Variants in AK8 observed in about 807,000 individuals in gnomAD.
AK8 encodes adenylate kinase 8, also known as ATP-AMP transphosphorylase 8.
A neutral mutation model predicts 54.6 loss-of-function variants in AK8; 44 were observed. The observed-to-expected ratio is 0.81, with a 90% CI of 0.63 to 1.04. The LOEUF (loss-of-function observed/expected upper bound fraction) is 1.04. AK8 is among the 50% of genes least tolerant of loss of function. The pLI is 0.00. For missense variants in AK8, 555 were observed against 613.6 expected, an observed-to-expected ratio of 0.90 and a Z score of 1.01; for synonymous variants, 239 against 245.6, an observed-to-expected ratio of 0.97 and a Z score of 0.25.
At chr9:132,779,080 AAGCAG>A (rs1202178224) in intron 11 of AK8, among the ~76,000 whole-genome samples, 3 of 149,716 alleles carry the variant, frequency 2.0e-5, no homozygotes, top group African/African-American at 7.6e-5. Context: ...TAAGGAAAGC[AAGCAG>A]GTCACCATTA....
intron 5 of AK8, among the ~76,000 whole-genome samples, chr9:132,846,693 G>A (rs1588206573): frequency 6.6e-6 from 1 of 152,328 alleles, no homozygotes; most frequent in East Asian, 1.9e-4. Flanking sequence ...AACACGACAG[G>A]GAGTAGATAG....
chr9:132,851,649 G>T (rs1252270739), intron 5 of AK8, among the ~76,000 whole-genome samples: 1 of 152,200 alleles, frequency 6.6e-6, no homozygotes, highest in Non-Finnish European at 1.5e-5. Flanking sequence ...GGTGCCCCTG[G>T]GTGATGTGCA....
chr9:132,756,149 T>A (rs1838179680), intron 11 of AK8, among the ~76,000 whole-genome samples: 1 of 152,236 alleles, frequency 6.6e-6, no homozygotes, highest in Non-Finnish European at 1.5e-5. Flanking sequence ...CACTAAAGAA[T>A]TTTGTCCAGA....
Position 132,781,171 on chromosome 9 carries a change from C to CT in AK8, c.1121+11462dup, listed in dbSNP as rs1028991287. Reference sequence around the variant, plus strand: ...TAGTTCTTTCTTTGTTTCTTTCTTTCTTTCTTTTTTTTTACTATTATTATT... The same window carrying CT: ...TAGTTCTTTCTTTGTTTCTTTCTTTCTTTTCTTTTTTTTTACTATTATTATT... On this transcript the variant is annotated intron_variant, in intron 11 of 12. Coordinates refer to ENST00000298545, the MANE Select transcript of AK8 (RefSeq NM_152572.3). The surrounding 1 kb of genome is among the most constrained non-coding windows in gnomAD (Gnocchi z 4.6). Among the ~76,000 whole-genome samples the CT allele has an allele frequency of 6.6e-6, 1 of 151,990 alleles. No homozygotes were observed. Among genetic ancestry groups the CT allele is most frequent in the African/African-American group, 2.4e-5 (1 of 41,346 alleles).
rs5900993 is a variant in AK8, at chr9:132,806,101, CGT to C, written c.979+8535_979+8536del. ...AATGTGTTTATTACTTACTGCTTGG[CGT>C]GTGTGTGTGTGTGTGTGTGTGTGTA... On this transcript the variant is annotated intron_variant, in intron 10 of 12. Transcript: ENST00000298545. Among the ~76,000 whole-genome samples, 151 of 148,616 alleles carry C rather than the reference CGT, an allele frequency of 1.0e-3. 1 individual carries two copies. The highest frequency in any genetic ancestry group is 5.6e-3 in the East Asian group (28 of 4,964).
At chr9:132,854,582 T>C (rs902944015) in intron 5 of AK8, among the ~76,000 whole-genome samples, 2 of 152,238 alleles carry the variant, frequency 1.3e-5, no homozygotes, top group Non-Finnish European at 2.9e-5. Flanking sequence ...CCCATGCTTC[T>C]GCGATTGTCC....
Position 132,755,928 on chromosome 9 carries a change from T to A in AK8, c.1122-28394A>T, listed in dbSNP as rs139972466. Among the ~76,000 whole-genome samples, 87 of 152,198 alleles carry A rather than the reference T, an allele frequency of 5.7e-4. 1 individual carries two copies. In the East Asian group the frequency reaches 0.016, roughly 28 times the overall value. On this transcript the variant is annotated intron_variant, in intron 11 of 12. Coordinates refer to ENST00000298545, the MANE Select transcript of AK8 (RefSeq NM_152572.3). ...GATCACAGGCATGCGCCACCATGCC[T>A]GGCTAATTTTGTATTTTTAGTAGAG...
intron 11 of AK8, among the ~76,000 whole-genome samples, chr9:132,779,768 A>C (rs990364378): frequency 1.1e-4 from 17 of 152,350 alleles, no homozygotes; most frequent in Admixed American, 3.3e-4. Context: ...CAAACCAGCT[A>C]GCCAACAGAG....
At chr9:132,755,568 C>A (rs1017863365) in intron 11 of AK8, among the ~76,000 whole-genome samples, 3 of 152,208 alleles carry the variant, frequency 2.0e-5, no homozygotes, top group African/African-American at 7.2e-5. Flanking sequence ...GTGCACATAG[C>A]CCCTCATCAC....
chr9:132,854,840 G>T lies in AK8; in HGVS notation c.402+17C>A. On this transcript the variant is annotated intron_variant, in intron 5 of 12. Coordinates refer to ENST00000298545, the MANE Select transcript of AK8 (RefSeq NM_152572.3). ...CTTTATCTTGGCACTGAAACCCCTA[G>T]CTCACTGGAGTCTTACCTGCTTGAT... 6.2e-7 allele frequency: 1 copy of T among 1,613,858 alleles called. No homozygotes were observed. The highest frequency in any genetic ancestry group is 8.5e-7 in the Non-Finnish European group (1 of 1,179,898).
chr9:132,838,588 G>A (rs1194060195), intron 5 of AK8, among the ~76,000 whole-genome samples: 1 of 152,204 alleles, frequency 6.6e-6, no homozygotes, highest in Non-Finnish European at 1.5e-5. Flanking sequence ...TGTAGCTCCA[G>A]GAGGAAGATT....
At chr9:132,834,622 G>A (rs1307203007) in intron 5 of AK8, among the ~76,000 whole-genome samples, 1 of 152,168 alleles carries the variant, frequency 6.6e-6, no homozygotes, top group Non-Finnish European at 1.5e-5. Context: ...GTGTGCCCAG[G>A]GCTTTGCCTG....
intron 11 of AK8, among the ~76,000 whole-genome samples, chr9:132,759,132 G>A (rs1277024896): frequency 6.7e-6 from 1 of 150,246 alleles, no homozygotes; most frequent in African/African-American, 2.5e-5. Context: ...GGAGGTCGAG[G>A]CTGCAATGAG....
intron 5 of AK8, among the ~76,000 whole-genome samples, chr9:132,846,482 T>C (rs1842751517): frequency 6.6e-6 from 1 of 151,916 alleles, no homozygotes; most frequent in Admixed American, 6.6e-5. Flanking sequence ...CTTAGCAAAG[T>C]GATTTGTTGC....
intron 10 of AK8, among the ~76,000 whole-genome samples, chr9:132,801,972 C>T (rs1035610547): frequency 6.6e-6 from 1 of 152,170 alleles, no homozygotes; most frequent in African/African-American, 2.4e-5. Flanking sequence ...TTTAGGAGGA[C>T]GAGCACTGTG....
At chr9:132,787,290 G>A (rs1168640783) in intron 11 of AK8, among the ~76,000 whole-genome samples, 1 of 152,112 alleles carries the variant, frequency 6.6e-6, no homozygotes, top group Non-Finnish European at 1.5e-5. Context: ...CTGGTACGGT[G>A]GAGTAAATCT....
At chr9:132,810,787 CG>C (rs1840968215) in intron 10 of AK8, among the ~76,000 whole-genome samples, 1 of 151,992 alleles carries the variant, frequency 6.6e-6, no homozygotes, top group East Asian at 1.9e-4. Flanking sequence ...ACTAAAGGGC[CG>C]CGATGAGCCA....
chr9:132,805,081 G>A (rs952645637), intron 10 of AK8, among the ~76,000 whole-genome samples: 5 of 152,184 alleles, frequency 3.3e-5, no homozygotes, highest in African/African-American at 9.7e-5. Flanking sequence ...GAGACCTCCC[G>A]ACTGGAGAAG....
intron 2 of AK8, among the ~76,000 whole-genome samples, chr9:132,870,735 A>C (rs1318253710): frequency 6.6e-6 from 1 of 152,180 alleles, no homozygotes; most frequent in Non-Finnish European, 1.5e-5. Context: ...TGTGTGTGGC[A>C]GTTAACCCCA....
Sources: gnomAD v4.1 joint callset for allele counts (sites outside exome capture counted in the v4.1 genomes callset) on GRCh38, gnomAD v4.1.1 for gene constraint, Gnocchi (gnomAD v3.1) non-coding constraint, MANE v1.5 for transcripts, NCBI Gene and HGNC (gene_info 2026-07-23, HGNC 2026-07-21) for gene names.